Variants in PIWIL1 observed in about 807,000 individuals in gnomAD.
The protein encoded by PIWIL1 is piwi like RNA-mediated gene silencing 1, also known as piwi-like protein 1.
Under a neutral mutation model 114.4 loss-of-function variants are expected in PIWIL1, and 73 were observed. That is an observed-to-expected ratio of 0.64 (90% CI 0.53 to 0.78). PIWIL1 has a LOEUF of 0.78. PIWIL1 is among the 30% of genes least tolerant of loss of function. PIWIL1 has a pLI of 0.00. For missense variants in PIWIL1, 723 were observed against 1,063.1 expected (o/e 0.68, Z 4.45); for synonymous variants, 375 against 369.0 (o/e 1.02, Z -0.19).
chr12:130,396,218 A>G, the PIWIL1 span: 3 of 152,676 alleles, frequency 2.0e-5, no homozygotes, highest in Admixed American at 1.3e-4. Context: ...TTAACCACAC[A>G]TGGATTTCCT....
chr12:130,378,229 C>T, the PIWIL1 span, among the ~76,000 whole-genome samples: 1 of 152,090 alleles, frequency 6.6e-6, no homozygotes, highest in African/African-American at 2.4e-5. Context: ...ACCTGGAGAA[C>T]CGGGTAGCAT....
At chr12:130,419,076 A>T in the PIWIL1 span, among the ~76,000 whole-genome samples, 1 of 152,212 alleles carries the variant, frequency 6.6e-6, no homozygotes, top group African/African-American at 2.4e-5. The surrounding 1 kb of genome is among the most constrained non-coding windows in gnomAD (Gnocchi z 4.3). Flanking sequence ...GAGAGGATGC[A>T]CTGGATGTGT....
chr12:130,424,242 T>C, the PIWIL1 span: 1 of 1,231,904 alleles, frequency 8.1e-7, no homozygotes. The surrounding 1 kb of genome is among the most constrained non-coding windows in gnomAD (Gnocchi z 9.8). Flanking sequence ...CCGAAAATCT[T>C]GGTGCTCGGT....
the PIWIL1 span, chr12:130,397,141 A>G: frequency 3.0e-6 from 1 of 330,004 alleles, no homozygotes; most frequent in African/African-American, 2.1e-5. Context: ...CCCAAATCAG[A>G]GCTTGGACAA....
chr12:130,399,206 AAATAT>A, the PIWIL1 span: 9 of 1,125,506 alleles, frequency 8.0e-6, no homozygotes, highest in Admixed American at 3.5e-5. Context: ...ATATATATAA[AAATAT>A]AATATAGAAA....
At chr12:130,424,106 G>A in the PIWIL1 span, 7 of 1,126,206 alleles carry the variant, frequency 6.2e-6, no homozygotes, top group Non-Finnish European at 7.9e-6. The surrounding 1 kb of genome is among the most constrained non-coding windows in gnomAD (Gnocchi z 9.8). Context: ...GATTGGTTTG[G>A]CAAGCGGCTG....
rs1394663797 is a variant in PIWIL1, at chr12:130,355,598, T to C, written c.1335T>C (p.Phe445=). 6.2e-7 allele frequency: 1 copy of C among 1,614,232 alleles called. No individual in the cohort carries two copies. Among genetic ancestry groups the C allele is most frequent in the South Asian group, 1.1e-5 (1 of 91,090 alleles). ...AGCTTCGAGACTGGGGTTTGAGCTT[T>C]GATTCCAACTTACTGTCCTTCTCAG... ...QRELRDWGLS[F]DSNLLSFSGR... is the part of the protein sequence containing the mutation. The change falls in exon 12 of 21, where the codon TTT becomes TTC. Residue 445 remains phenylalanine (F), a synonymous_variant. Coordinates refer to ENST00000245255, the MANE Select transcript of PIWIL1 (RefSeq NM_004764.5).
chr12:130,383,666 G>A, the PIWIL1 span: 5 of 152,208 alleles, frequency 3.3e-5, no homozygotes, highest in Non-Finnish European at 7.4e-5. Flanking sequence ...GAGGCATCAA[G>A]TGCTAAATAG....
At chr12:130,383,153 T>C in the PIWIL1 span, among the ~76,000 whole-genome samples, 2 of 152,218 alleles carry the variant, frequency 1.3e-5, no homozygotes, top group African/African-American at 2.4e-5. Context: ...CCAGTTTTTA[T>C]TGAATTGGAG....
chr12:130,389,537 C>A, the PIWIL1 span, among the ~76,000 whole-genome samples: 1 of 151,846 alleles, frequency 6.6e-6, no homozygotes, highest in Non-Finnish European at 1.5e-5. Flanking sequence ...AGGCATTTGT[C>A]TATTTTTTTC....
At chr12:130,423,707 G>C in the PIWIL1 span, among the ~76,000 whole-genome samples, 1 of 69,512 alleles carries the variant, frequency 1.4e-5, no homozygotes, top group Non-Finnish European at 3.0e-5. Flanking sequence ...TTTTTTTTTT[G>C]GTTATAAATG....
the PIWIL1 span, among the ~76,000 whole-genome samples, chr12:130,391,084 A>T: frequency 2.0e-5 from 3 of 152,206 alleles, no homozygotes; most frequent in Non-Finnish European, 4.4e-5. Context: ...CTGTGTCCCT[A>T]GAATGGCTGT....
chr12:130,389,414 G>A, the PIWIL1 span, among the ~76,000 whole-genome samples: 1 of 151,936 alleles, frequency 6.6e-6, no homozygotes, highest in Non-Finnish European at 1.5e-5. Context: ...CTCTAGGCCT[G>A]AAGTTTTTCT....
intron 3 of PIWIL1, among the ~76,000 whole-genome samples, chr12:130,344,362 C>T (rs2073010214): frequency 6.6e-6 from 1 of 152,058 alleles, no homozygotes; most frequent in South Asian, 2.1e-4. Context: ...TGAACAGTTA[C>T]ATGTTTAAAG....
chr12:130,377,655 A>G, the PIWIL1 span, among the ~76,000 whole-genome samples: 12 of 152,386 alleles, frequency 7.9e-5, no homozygotes, highest in Non-Finnish European at 4.4e-5. Flanking sequence ...GGTCCAGTCC[A>G]TCCTGGCCAT....
At chr12:130,347,246 A>G (rs1419554392) in intron 6 of PIWIL1, among the ~76,000 whole-genome samples, 184 bp downstream of exon 6, 1 of 152,234 alleles carries the variant, frequency 6.6e-6, no homozygotes, top group East Asian at 1.9e-4. Context: ...TTAAGCAAGT[A>G]TCCTGCCTTT....
Position 130,343,083 on chromosome 12 carries a change from G to A in PIWIL1, c.172G>A (p.Gly58Arg), listed in dbSNP as rs1419909596. The A allele has an allele frequency of 1.2e-6, 2 of 1,613,230 alleles. No individual in the cohort carries two copies. Among genetic ancestry groups the A allele is most frequent in the East Asian group, 4.5e-5 (2 of 44,852 alleles). The change falls in exon 3 of 21, where the codon GGA becomes AGA. Residue 58 changes from glycine to arginine, a missense_variant. Transcript: ENST00000245255. Reference sequence around the variant, plus strand: ...TGGACGGCAGAGAGGAACAGCAGGAGGAACAGCCAAGTCACAAGGTGAAGA... The same window carrying A: ...TGGACGGCAGAGAGGAACAGCAGGAAGAACAGCCAAGTCACAAGGTGAAGA... ...GRGRQRGTAGGTAKSQGLQIS... is the reference protein window; with the variant it reads ...GRGRQRGTAGRTAKSQGLQIS...
At chr12:130,418,979 TG>T in the PIWIL1 span, among the ~76,000 whole-genome samples, 1 of 151,926 alleles carries the variant, frequency 6.6e-6, no homozygotes, top group South Asian at 2.1e-4. Flanking sequence ...GGAAGACAGG[TG>T]TGGGGTAGAG....
the PIWIL1 span, among the ~76,000 whole-genome samples, chr12:130,392,288 C>T: frequency 0.052 from 583 of 11,302 alleles, 1 homozygote; most frequent in South Asian, 0.09. Context: ...GAATATTGAA[C>T]GTTGTGATGA....
Sources: gnomAD v4.1 joint callset for allele counts (sites outside exome capture counted in the v4.1 genomes callset) on GRCh38, gnomAD v4.1.1 for gene constraint, Gnocchi (gnomAD v3.1) non-coding constraint, MANE v1.5 for transcripts, NCBI Gene and HGNC (gene_info 2026-07-23, HGNC 2026-07-21) for gene names.